The following CNKSR2 variants were observed in gnomAD, a reference collection of about 807,000 sequenced individuals.
The protein encoded by CNKSR2 is CNK homolog protein 2.
A neutral mutation model predicts 84.4 loss-of-function variants in CNKSR2; 14 were observed. That is an observed-to-expected ratio of 0.17 (90% confidence interval 0.11 to 0.26). The LOEUF (loss-of-function observed/expected upper bound fraction) is 0.26, where lower values mean the gene tolerates loss of function less well. CNKSR2 is among the 10% of genes least tolerant of loss of function. The pLI is 1.00. For synonymous variants in CNKSR2, 275 were observed against 277.9 expected, an observed-to-expected ratio of 0.99 and a Z score of 0.10; for missense variants, 485 against 771.2, an observed-to-expected ratio of 0.63 and a Z score of 4.40.
chrX:21,597,528 G>T (rs2092457174), intron 17 of CNKSR2, among the ~76,000 whole-genome samples: 1 of 111,363 alleles, frequency 9.0e-6, no homozygotes, highest in Non-Finnish European at 1.9e-5. Context: ...GATTTTTATT[G>T]TTTTGCTTTG....
intron 13 of CNKSR2, among the ~76,000 whole-genome samples, chrX:21,572,170 T>C (rs1323623276): frequency 8.9e-6 from 1 of 112,449 alleles, no homozygotes; most frequent in Non-Finnish European, 1.9e-5. Flanking sequence ...GAAAAGTATT[T>C]CCCAGTGGGC....
intron 4 of CNKSR2, among the ~76,000 whole-genome samples, chrX:21,450,507 G>A (rs961015601): frequency 1.2e-4 from 13 of 111,647 alleles, no homozygotes; most frequent in African/African-American, 3.9e-4. Context: ...CAAACGTATA[G>A]GGCCTGAGGA....
At chrX:21,475,651 A>G (rs1280612155) in intron 5 of CNKSR2, among the ~76,000 whole-genome samples, 1 of 111,265 alleles carries the variant, frequency 9.0e-6, no homozygotes, top group Non-Finnish European at 1.9e-5. Flanking sequence ...TAGAACATCA[A>G]CTGTCTTAGC....
intron 13 of CNKSR2, among the ~76,000 whole-genome samples, chrX:21,578,339 CAT>C (rs2092332191): frequency 9.0e-6 from 1 of 111,237 alleles, no homozygotes; most frequent in South Asian, 3.7e-4. Context: ...GGTCCCAAGA[CAT>C]AATGGTTCTT....
At chrX:21,385,883 T>G (rs1475255052) in intron 1 of CNKSR2, among the ~76,000 whole-genome samples, 1 of 109,786 alleles carries the variant, frequency 9.1e-6, no homozygotes, top group Non-Finnish European at 1.9e-5. Flanking sequence ...GCACGATGAG[T>G]TGTTTCTACT....
chrX:21,552,482 T>C (rs755425790), intron 11 of CNKSR2, among the ~76,000 whole-genome samples: 1 of 112,082 alleles, frequency 8.9e-6, no homozygotes, highest in Admixed American at 9.5e-5. Flanking sequence ...GAAAATATTG[T>C]AAAAGACTTT....
chrX:21,512,260 G>A lies in CNKSR2; in HGVS notation c.811-4225G>A, dbSNP rs572997138. Among the ~76,000 whole-genome samples, 4 of 111,520 alleles carry A rather than the reference G, an allele frequency of 3.6e-5. No individual in the cohort carries two copies. In the South Asian group the frequency reaches 1.5e-3, roughly 42 times the overall value. ...TAATATCAGCCTCACTTGGAAACTT[G>A]TATTAGGAAATAAAGGGTCGGGGGA... On this transcript the variant is annotated intron_variant, in intron 8 of 21. Transcript: ENST00000379510.
intron 11 of CNKSR2, among the ~76,000 whole-genome samples, chrX:21,536,854 T>C (rs1377679078): frequency 2.8e-5 from 3 of 107,366 alleles, no homozygotes; most frequent in South Asian, 3.9e-4. Flanking sequence ...GTCTCTTTCA[T>C]TTAGTTCTGC....
intron 13 of CNKSR2, among the ~76,000 whole-genome samples, chrX:21,571,977 T>C (rs2092286886): frequency 8.9e-6 from 1 of 112,286 alleles, no homozygotes; most frequent in African/African-American, 3.2e-5. Flanking sequence ...AAGACAGCTG[T>C]ATTACAGAAT....
intron 5 of CNKSR2, among the ~76,000 whole-genome samples, chrX:21,477,248 A>G (rs760186806): frequency 2.0e-4 from 22 of 112,258 alleles, no homozygotes; most frequent in African/African-American, 6.8e-4. Flanking sequence ...GGCCTTGTAT[A>G]TGGCACTTTG....
intron 20 of CNKSR2, among the ~76,000 whole-genome samples, chrX:21,621,282 G>A (rs750358972): frequency 1.8e-5 from 2 of 111,216 alleles, no homozygotes; most frequent in Non-Finnish European, 3.8e-5. Flanking sequence ...CTCACTGTTG[G>A]CTCATATAAT....
At chrX:21,512,105 C>T (rs996700555) in intron 8 of CNKSR2, among the ~76,000 whole-genome samples, 2 of 111,881 alleles carry the variant, frequency 1.8e-5, no homozygotes, top group Non-Finnish European at 3.8e-5. Flanking sequence ...GGAAGACACA[C>T]AATAAATACT....
At chrX:21,494,815 C>T (rs1489264878) in intron 6 of CNKSR2, 1 of 111,455 alleles carries the variant, frequency 9.0e-6, no homozygotes, top group Non-Finnish European at 1.9e-5. Context: ...GTGCTCCCTC[C>T]GGGGGAAATT....
chrX:21,576,850 A>C (rs1350547272), intron 13 of CNKSR2, among the ~76,000 whole-genome samples: 2 of 111,785 alleles, frequency 1.8e-5, no homozygotes, highest in African/African-American at 6.5e-5. Flanking sequence ...TTAACTATTA[A>C]AATTTCCAAA....
chrX:21,616,058 T>C (rs150617682), intron 20 of CNKSR2, among the ~76,000 whole-genome samples: 257 of 111,760 alleles, frequency 2.3e-3, no homozygotes, highest in African/African-American at 7.8e-3. Flanking sequence ...AAATGTTTAT[T>C]TATAGATCTT....
intron 9 of CNKSR2, among the ~76,000 whole-genome samples, chrX:21,518,490 A>C (rs958075270): frequency 8.9e-6 from 1 of 111,861 alleles, no homozygotes; most frequent in African/African-American, 3.2e-5. Context: ...CCCCTGTTAT[A>C]TTCTTTTCCA....
In CNKSR2 at chrX:21,591,113, G is replaced by T. The variant is rs1045082064; in HGVS notation, c.1749G>T (p.Ala583=). ...CEGWLWKKKD[A]KSYFSQKWKK... ...GCTGGCTTTGGAAAAAGAAAGATGC[G>T]AAGAGTTACTTTTCACAGAAATGGA... The change falls in exon 15 of 22, where the codon GCG becomes GCT. Residue 583 remains alanine, a synonymous_variant. Coordinates refer to ENST00000379510, the MANE Select transcript of CNKSR2 (RefSeq NM_014927.5). 8.3e-7 allele frequency: 1 copy of T among 1,206,676 alleles called. No homozygotes were observed. The highest frequency in any genetic ancestry group is 1.8e-5 in the African/African-American group (1 of 56,966).
chrX:21,414,792 C>T (rs1248897802), intron 1 of CNKSR2, among the ~76,000 whole-genome samples: 1 of 111,556 alleles, frequency 9.0e-6, no homozygotes, highest in Non-Finnish European at 1.9e-5. Flanking sequence ...TTCCCATAAC[C>T]ATTTATTAAA....
intron 13 of CNKSR2, among the ~76,000 whole-genome samples, chrX:21,584,513 C>G (rs1269728982): frequency 8.9e-6 from 1 of 112,080 alleles, no homozygotes; most frequent in Non-Finnish European, 1.9e-5. Flanking sequence ...GCTAAATGCT[C>G]AGAGGGGAAA....
Sources: gnomAD v4.1 joint callset for allele counts (sites outside exome capture counted in the v4.1 genomes callset) on GRCh38, gnomAD v4.1.1 for gene constraint, MANE v1.5 for transcripts, NCBI Gene and HGNC (gene_info 2026-07-23, HGNC 2026-07-21) for gene names.